Variants in ITGA9 observed in about 807,000 individuals in gnomAD.
ITGA9 encodes the protein integrin alpha-9.
ITGA9 carries 56 observed loss-of-function variants against 127.8 expected under a neutral mutation model. The observed-to-expected ratio is 0.44, with a 90% CI of 0.35 to 0.55. The LOEUF (loss-of-function observed/expected upper bound fraction) is 0.55. ITGA9 is among the 20% of genes least tolerant of loss of function. ITGA9 has a pLI of 0.00. For missense variants in ITGA9, 1,196 were observed against 1,347.1 expected, an observed-to-expected ratio of 0.89 and a Z score of 1.76; for synonymous variants, 508 against 514.5, an observed-to-expected ratio of 0.99 and a Z score of 0.17.
At chr3:37,794,334 G>T (rs1369222777) in intron 26 of ITGA9, among the ~76,000 whole-genome samples, 1 of 152,204 alleles carries the variant, frequency 6.6e-6, no homozygotes, top group Non-Finnish European at 1.5e-5. Context: ...CCTCTGGCCT[G>T]TGCTGTCCTG....
At chr3:37,482,455 G>A (rs903250388) in intron 4 of ITGA9, among the ~76,000 whole-genome samples, 2 of 152,186 alleles carry the variant, frequency 1.3e-5, no homozygotes, top group Non-Finnish European at 1.5e-5. Context: ...TTGATAGCTC[G>A]TAGTTTCAAG....
At chr3:37,765,946 T>C (rs1284811170) in intron 23 of ITGA9, among the ~76,000 whole-genome samples, 3 of 152,238 alleles carry the variant, frequency 2.0e-5, no homozygotes, top group Admixed American at 6.5e-5. Flanking sequence ...TGAATGCCGA[T>C]GCGTAGGTGC....
intron 17 of ITGA9, among the ~76,000 whole-genome samples, chr3:37,654,306 A>G (rs938946642): frequency 6.6e-6 from 1 of 152,236 alleles, no homozygotes; most frequent in African/African-American, 2.4e-5. Context: ...CCCTGATCCA[A>G]GTGAGCAGAT....
At chr3:37,524,256 G>A (rs1699071699) in intron 12 of ITGA9, among the ~76,000 whole-genome samples, 1 of 152,214 alleles carries the variant, frequency 6.6e-6, no homozygotes, top group African/African-American at 2.4e-5. Flanking sequence ...TTTCAAGATG[G>A]AGTGGGGTAA....
chr3:37,674,145 C>T (rs910769996), intron 17 of ITGA9, among the ~76,000 whole-genome samples: 4 of 152,078 alleles, frequency 2.6e-5, no homozygotes, highest in African/African-American at 7.2e-5. Context: ...TATTATTTGG[C>T]GTAGATTATT....
In ITGA9 at chr3:37,653,726, A is replaced by G; in HGVS notation, c.1852A>G (p.Arg618Gly). The G allele has an allele frequency of 6.2e-7, 1 of 1,613,568 alleles. No individual in the cohort carries two copies. The highest frequency in any genetic ancestry group is 8.5e-7 in the Non-Finnish European group (1 of 1,179,530). Reference sequence around the variant, plus strand: ...GTCTTTCTCACAGACTGTTTTTGAAAGGAATTGCCGTTCAGAGGACTGTGC... The same window carrying G: ...GTCTTTCTCACAGACTGTTTTTGAAGGGAATTGCCGTTCAGAGGACTGTGC... Reference protein sequence around the residue: ...IAQKNQTVFERNCRSEDCAAD... With the variant: ...IAQKNQTVFEGNCRSEDCAAD... The change falls in exon 17 of 28, where the codon AGG (arginine) becomes GGG (glycine). Residue 618 changes from arginine (R) to glycine (G), a missense_variant. Coordinates refer to ENST00000264741, the MANE Select transcript of ITGA9 (RefSeq NM_002207.3).
intron 26 of ITGA9, among the ~76,000 whole-genome samples, chr3:37,794,904 G>A (rs1036937799): frequency 3.9e-5 from 6 of 152,150 alleles, no homozygotes; most frequent in Non-Finnish European, 8.8e-5. Context: ...AAGTCTCCCT[G>A]TGCCTCTGAA....
intron 15 of ITGA9, among the ~76,000 whole-genome samples, chr3:37,595,490 A>G (rs779037721): frequency 3.9e-5 from 6 of 152,206 alleles, no homozygotes; most frequent in Admixed American, 6.5e-5. Flanking sequence ...CAGAGCATAC[A>G]ATTCAGAAAA....
Position 37,452,214 on chromosome 3 carries a change from CG to C in ITGA9, c.-160del, listed in dbSNP as rs1698198996. 5.0e-6 allele frequency: 1 copy of C among 200,890 alleles called. No individual in the cohort carries two copies. 12.4% of individuals were successfully genotyped at this position (200,890 alleles called of 1,614,324 possible). ...GCTCGCCTTCAGCGCCCGCTCAGCC[CG>C]CCGTCCGCGCCCCGGTGGCGGGCCC... is the stretch of plus-strand genomic sequence containing the variant. On this transcript the variant is annotated 5_prime_UTR_variant, in exon 1 of 28. Transcript: ENST00000264741. The surrounding 1 kb of genome is among the most constrained non-coding windows in gnomAD (Gnocchi z 7.3).
At chr3:37,680,568 G>C (rs1293202446) in intron 17 of ITGA9, among the ~76,000 whole-genome samples, 2 of 152,156 alleles carry the variant, frequency 1.3e-5, no homozygotes, top group Admixed American at 6.5e-5. Flanking sequence ...TACATATAAG[G>C]AAAGGAAGCT....
At chr3:37,779,820 T>C in intron 24 of ITGA9, 82 bp from the exon 25 acceptor site, 14 of 1,389,628 alleles carry the variant, frequency 1.0e-5, no homozygotes, top group African/African-American at 1.4e-5. Flanking sequence ...ACCAAGTTCA[T>C]GGAGCCCACT....
intron 24 of ITGA9, among the ~76,000 whole-genome samples, chr3:37,777,823 C>CT (rs1696926093): frequency 6.6e-6 from 1 of 152,254 alleles, no homozygotes; most frequent in Non-Finnish European, 1.5e-5. Context: ...TTTTGGGAAA[C>CT]TGTTTGATAA....
chr3:37,726,477 C>T (rs964936800), intron 18 of ITGA9, among the ~76,000 whole-genome samples: 3 of 152,310 alleles, frequency 2.0e-5, no homozygotes, highest in African/African-American at 7.2e-5. Flanking sequence ...TCTAGACTGA[C>T]ATCAAATGCT....
chr3:37,725,740 A>G (rs577431293), intron 18 of ITGA9, among the ~76,000 whole-genome samples: 1 of 152,376 alleles, frequency 6.6e-6, no homozygotes, highest in Admixed American at 6.5e-5. Context: ...TATGTACTCC[A>G]TCCTACACGC....
intron 4 of ITGA9, among the ~76,000 whole-genome samples, chr3:37,483,205 G>C (rs1698574224): frequency 6.6e-6 from 1 of 152,120 alleles, no homozygotes; most frequent in Non-Finnish European, 1.5e-5. Context: ...ACACATGATG[G>C]TCCCTGATGA....
chr3:37,511,795 C>A (rs921242944), intron 8 of ITGA9, among the ~76,000 whole-genome samples: 2 of 152,168 alleles, frequency 1.3e-5, no homozygotes, highest in African/African-American at 4.8e-5. Flanking sequence ...CCTCCTGTGA[C>A]CCTGTTAGCT....
chr3:37,474,395 C>A (rs777632764), intron 3 of ITGA9, among the ~76,000 whole-genome samples: 1 of 152,244 alleles, frequency 6.6e-6, no homozygotes, highest in Non-Finnish European at 1.5e-5. Flanking sequence ...ATATTTTCAT[C>A]ATCACAGAAA....
At chr3:37,530,309 T>G (rs1699136571) in intron 13 of ITGA9, among the ~76,000 whole-genome samples, 1 of 152,158 alleles carries the variant, frequency 6.6e-6, no homozygotes, top group South Asian at 2.1e-4. Flanking sequence ...TACTTTAGGT[T>G]TTGGGTGGGA....
At chr3:37,688,751 G>A (rs1700803254) in intron 18 of ITGA9, among the ~76,000 whole-genome samples, 1 of 152,170 alleles carries the variant, frequency 6.6e-6, no homozygotes, top group South Asian at 2.1e-4. Context: ...TCAGCTTAGG[G>A]AGCCCGTGTG....
Sources: gnomAD v4.1 joint callset for allele counts (sites outside exome capture counted in the v4.1 genomes callset) on GRCh38, gnomAD v4.1.1 for gene constraint, Gnocchi (gnomAD v3.1) non-coding constraint, MANE v1.5 for transcripts, NCBI Gene and HGNC (gene_info 2026-07-23, HGNC 2026-07-21) for gene names.